Variants in SLC24A2 observed in about 807,000 individuals in gnomAD.
SLC24A2 encodes the protein solute carrier family 24 member 2, also known as sodium/potassium/calcium exchanger 2.
A neutral mutation model predicts 62.0 loss-of-function variants in SLC24A2; 36 were observed. The ratio of observed to expected loss-of-function variants is 0.58; its 90% confidence interval spans 0.44 to 0.77. The LOEUF (loss-of-function observed/expected upper bound fraction) is 0.77. Ranked by LOEUF, SLC24A2 falls within the 30% of genes least tolerant of loss-of-function variation. SLC24A2 has a pLI of 0.00. For synonymous variants in SLC24A2, 358 were observed against 294.0 expected (o/e 1.22, Z -2.23); for missense variants, 846 against 817.9 (o/e 1.03, Z -0.42).
the SLC24A2 span, among the ~76,000 whole-genome samples, chr9:19,861,374 A>G: frequency 6.6e-6 from 1 of 152,222 alleles, no homozygotes; most frequent in Non-Finnish European, 1.5e-5. Context: ...GAACCACAGC[A>G]CTACTGGGCT....
At chr9:20,233,749 GT>G in the SLC24A2 span, among the ~76,000 whole-genome samples, 1 of 152,174 alleles carries the variant, frequency 6.6e-6, no homozygotes. Flanking sequence ...AGTGTTATGT[GT>G]GAATTTGATC....
the SLC24A2 span, among the ~76,000 whole-genome samples, chr9:19,972,967 G>C: frequency 2.0e-5 from 3 of 152,126 alleles, no homozygotes; most frequent in East Asian, 5.8e-4. Flanking sequence ...CATCTTTTGG[G>C]GGGTGGGAAG....
chr9:20,145,654 G>A, the SLC24A2 span, among the ~76,000 whole-genome samples: 1 of 151,222 alleles, frequency 6.6e-6, no homozygotes, highest in East Asian at 2.0e-4. Flanking sequence ...TACAGGAAGA[G>A]GCAAAAGTCC....
the SLC24A2 span, among the ~76,000 whole-genome samples, chr9:20,257,032 G>A: frequency 6.6e-6 from 1 of 152,084 alleles, no homozygotes; most frequent in Admixed American, 6.6e-5. Flanking sequence ...TTTGGTTACT[G>A]AAAGCTTAAT....
chr9:19,701,364 T>G (rs890717177), intron 2 of SLC24A2, among the ~76,000 whole-genome samples: 1 of 152,222 alleles, frequency 6.6e-6, no homozygotes, highest in African/African-American at 2.4e-5. Flanking sequence ...CCACCTTTAG[T>G]TGAGTGCTAA....
At chr9:19,624,736 G>T (rs968712764) in intron 2 of SLC24A2, among the ~76,000 whole-genome samples, 8 of 152,128 alleles carry the variant, frequency 5.3e-5, no homozygotes, top group Non-Finnish European at 1.0e-4. Context: ...AATGGCAGCG[G>T]AGGCCATTAA....
In SLC24A2 at chr9:19,671,438, G is replaced by GT. The variant is rs535847174; in HGVS notation, c.931-49140dup. Among the ~76,000 whole-genome samples the GT allele has an allele frequency of 4.6e-5, 7 of 151,558 alleles. No homozygotes were observed. The South Asian group carries it at 1.5e-3, about 32-fold the overall frequency. ...AGACTCTGCTGAATTCATTTATCAG[G>GT]TCTAGGAGCTTGTTGGAGGAGTCTT... On this transcript the variant is annotated intron_variant, in intron 2 of 10. Transcript: ENST00000341998.
chr9:19,876,186 G>A, the SLC24A2 span, among the ~76,000 whole-genome samples: 1 of 152,106 alleles, frequency 6.6e-6, no homozygotes, highest in African/African-American at 2.4e-5. Flanking sequence ...AAAGATTTCT[G>A]TAATTGTGAA....
chr9:20,015,550 G>A, the SLC24A2 span, among the ~76,000 whole-genome samples: 2 of 152,190 alleles, frequency 1.3e-5, no homozygotes, highest in African/African-American at 4.8e-5. Context: ...AAATGTCACT[G>A]TGGCCAACCC....
At chr9:19,870,277 C>T in the SLC24A2 span, among the ~76,000 whole-genome samples, 4 of 152,134 alleles carry the variant, frequency 2.6e-5, no homozygotes, top group Non-Finnish European at 4.4e-5. Context: ...GGAATCATAG[C>T]CTTCTATAAC....
the SLC24A2 span, among the ~76,000 whole-genome samples, chr9:20,285,230 A>T: frequency 6.6e-6 from 1 of 152,194 alleles, no homozygotes; most frequent in African/African-American, 2.4e-5. Flanking sequence ...TGCATGTGGA[A>T]ATAGGGCCTT....
the SLC24A2 span, among the ~76,000 whole-genome samples, chr9:19,977,103 AT>A: frequency 7.4e-6 from 1 of 135,858 alleles, no homozygotes; most frequent in Non-Finnish European, 1.6e-5. Flanking sequence ...CAAACAAAAC[AT>A]TTCTATATTT....
chr9:19,582,416 C>T (rs1836235591), intron 5 of SLC24A2, among the ~76,000 whole-genome samples: 1 of 152,104 alleles, frequency 6.6e-6, no homozygotes, highest in African/African-American at 2.4e-5. Flanking sequence ...TGCTACAGAA[C>T]ATTCTAAGCA....
At chr9:20,303,669 C>G in the SLC24A2 span, among the ~76,000 whole-genome samples, 2 of 152,176 alleles carry the variant, frequency 1.3e-5, no homozygotes, top group Non-Finnish European at 2.9e-5. Context: ...CAATTATTAC[C>G]TCCTTCAAGA....
intron 4 of SLC24A2, among the ~76,000 whole-genome samples, chr9:19,617,046 G>C (rs537422011): frequency 2.0e-5 from 3 of 152,252 alleles, no homozygotes; most frequent in Admixed American, 1.3e-4. Flanking sequence ...AGATCATGTA[G>C]ACCAGCGGTC....
intron 2 of SLC24A2, among the ~76,000 whole-genome samples, chr9:19,710,486 C>T (rs1321278825): frequency 6.6e-6 from 1 of 152,022 alleles, no homozygotes; most frequent in Non-Finnish European, 1.5e-5. Flanking sequence ...TAGGTCTCGG[C>T]CAGGAATAGC....
the SLC24A2 span, among the ~76,000 whole-genome samples, chr9:20,288,388 T>C: frequency 1.3e-5 from 2 of 151,708 alleles, no homozygotes; most frequent in Non-Finnish European, 2.9e-5. Flanking sequence ...TCCCTCCTCT[T>C]GCATCTAGAG....
At chr9:19,892,764 G>A in the SLC24A2 span, among the ~76,000 whole-genome samples, 1 of 152,010 alleles carries the variant, frequency 6.6e-6, no homozygotes, top group South Asian at 2.1e-4. Context: ...AGGAACTGAA[G>A]CTTGGCGAGA....
chr9:20,161,605 G>A, the SLC24A2 span, among the ~76,000 whole-genome samples: 7 of 151,248 alleles, frequency 4.6e-5, no homozygotes, highest in South Asian at 1.3e-3. Context: ...CCTATAATAA[G>A]TCTAAAAGAC....
Sources: allele counts gnomAD v4.1 joint callset (sites outside exome capture counted in the v4.1 genomes callset), GRCh38; gene constraint gnomAD v4.1.1; transcripts MANE v1.5; gene names NCBI Gene and HGNC (gene_info 2026-07-23, HGNC 2026-07-21).